NPHP4: variants seen among roughly 807,000 people sequenced by gnomAD.
NPHP4 encodes nephrocystin-4.
Under a neutral mutation model 155.8 loss-of-function variants are expected in NPHP4, and 151 were observed. That is an observed-to-expected ratio of 0.97 (90% CI 0.85 to 1.11). The LOEUF (loss-of-function observed/expected upper bound fraction) is 1.11. Among genes scored for constraint, NPHP4 ranks in the 50% least tolerant of loss-of-function variants. The pLI is 0.00. For missense variants in NPHP4, 1,956 were observed against 1,925.7 expected (o/e 1.02, Z -0.29); for synonymous variants, 845 against 816.8 (o/e 1.03, Z -0.59).
Position 5,901,852 on chromosome 1 carries a change from G to A in NPHP4, c.2143+2765C>T, listed in dbSNP as rs185786179. Among the ~76,000 whole-genome samples, 14 of 152,320 alleles carry A rather than the reference G, an allele frequency of 9.2e-5. No homozygotes were observed. The East Asian group carries it at 2.1e-3, about 23-fold the overall frequency. ...GCCTTCTGGGGACATCAGTTGGACT[G>A]TCTACCAAAGGCCTCAGGAGGACTG... On this transcript the variant is annotated intron_variant, in intron 16 of 29. Transcript: ENST00000378156.
intron 11 of NPHP4, among the ~76,000 whole-genome samples, chr1:5,915,628 G>A (rs1171427824): frequency 1.3e-5 from 2 of 152,106 alleles, no homozygotes; most frequent in Admixed American, 6.5e-5. Flanking sequence ...AGTCCAGATC[G>A]CAGGCAGCCC....
chr1:5,866,953 A>C, intron 25 of NPHP4, 77 bp downstream of exon 25: 1 of 1,078,668 alleles, frequency 9.3e-7, no homozygotes, highest in Non-Finnish European at 1.4e-6. Flanking sequence ...GGATCCCAGG[A>C]TACCCGTGGG....
chr1:5,952,354 G>A (rs1033362882), intron 7 of NPHP4, among the ~76,000 whole-genome samples: 1 of 152,196 alleles, frequency 6.6e-6, no homozygotes, highest in African/African-American at 2.4e-5. Flanking sequence ...TGATCTACCA[G>A]AATTAACTTT....
Position 5,937,924 on chromosome 1 carries a change from G to T in NPHP4, c.1120-4595C>A, listed in dbSNP as rs115888355. 3.4e-3 allele frequency among the ~76,000 whole-genome samples: 521 copies of T among 152,356 alleles called. 4 individuals are homozygous for T. The highest frequency in any genetic ancestry group is 0.012 in the African/African-American group (499 of 41,586). On this transcript the variant is annotated intron_variant, in intron 9 of 29. Transcript: ENST00000378156. ...GAAAGCAGCTCAGGCCCTGGGCTGG[G>T]AACACGCGCAGTCACACTCACGTGG...
rs1230242159 is a variant in NPHP4 at position 5,933,147 on chromosome 1, C to T, written c.1302G>A (p.Glu434=). Residue 434 remains glutamate, a splice_region_variant and synonymous_variant, in exon 10 of 30, where the codon GAG becomes GAA. Coordinates refer to ENST00000378156, the MANE Select transcript of NPHP4 (RefSeq NM_015102.5). ...KVPSASMSSE[E]VKQVESGTLR... is the part of the protein sequence containing the mutation. ...GCATAAGAAATACCTAATAATTTAC[C>T]TCTTCAGAGCTCATGCTGGCTGAGG... 1 of 1,534,638 alleles carries T rather than the reference C, an allele frequency of 6.5e-7. No homozygotes were observed.
chr1:5,879,420 C>T (rs540780755), intron 19 of NPHP4: 1 of 437,972 alleles, frequency 2.3e-6, no homozygotes, highest in Admixed American at 2.6e-5. Flanking sequence ...GTCTTCCTCT[C>T]CAAACCAGGT....
At chr1:5,891,416 C>T (rs115409553) in intron 16 of NPHP4, among the ~76,000 whole-genome samples, 103 of 152,158 alleles carry the variant, frequency 6.8e-4, no homozygotes, top group Non-Finnish European at 1.3e-3. Flanking sequence ...TTCACACACA[C>T]AGGCAGAGCT....
Position 5,952,847 on chromosome 1 carries a change from G to C in NPHP4, c.674-11C>G. 1 of 1,594,132 alleles carries C rather than the reference G, an allele frequency of 6.3e-7. No individual in the cohort carries two copies. The highest frequency in any genetic ancestry group is 8.5e-7 in the Non-Finnish European group (1 of 1,170,472). ...TTCGGAGAGCGTCGCCTGAAACAGT[G>C]AGGGTGCGAAAAGGGTCATCCTTGG... On this transcript the variant is annotated splice_polypyrimidine_tract_variant and intron_variant, in intron 6 of 29. Coordinates refer to ENST00000378156, the MANE Select transcript of NPHP4 (RefSeq NM_015102.5).
chr1:5,882,140 G>A lies in NPHP4; in HGVS notation c.2486-1901C>T, dbSNP rs111547343. On this transcript the variant is annotated intron_variant, in intron 18 of 29. Coordinates refer to ENST00000378156, the MANE Select transcript of NPHP4 (RefSeq NM_015102.5). The surrounding 1 kb of genome is among the most constrained non-coding windows in gnomAD (Gnocchi z 5.1). ...CTGGCTGCCTCCTCCCACGCCCTAG[G>A]TGGCAACCAGAAAGGCCAGTGGTGC... The A allele has an allele frequency of 9.5e-4, 144 of 152,368 alleles. No individual in the cohort carries two copies. Among genetic ancestry groups the A allele is most frequent in the African/African-American group, 3.4e-3 (141 of 41,516 alleles). 9.4% of individuals were successfully genotyped at this position (152,368 alleles called of 1,614,324 possible).
At chr1:5,899,671 G>A (rs937556316) in intron 16 of NPHP4, among the ~76,000 whole-genome samples, 2 of 152,102 alleles carry the variant, frequency 1.3e-5, no homozygotes, top group South Asian at 2.1e-4. Flanking sequence ...CCTAGGAGAC[G>A]ACACAGAACA....
chr1:5,922,966 C>T (rs539366626), intron 11 of NPHP4, among the ~76,000 whole-genome samples: 2 of 152,322 alleles, frequency 1.3e-5, no homozygotes, highest in Admixed American at 6.5e-5. Context: ...GCACGCACTC[C>T]AGCCAGAGCA....
intron 1 of NPHP4, among the ~76,000 whole-genome samples, chr1:5,986,825 G>C (rs1655560531): frequency 6.6e-6 from 1 of 152,158 alleles, no homozygotes; most frequent in Non-Finnish European, 1.5e-5. Context: ...ATGGGGACAT[G>C]AAGGGATGTT....
intron 11 of NPHP4, among the ~76,000 whole-genome samples, chr1:5,913,637 C>A (rs1645303626): frequency 3.3e-5 from 5 of 152,232 alleles, no homozygotes; most frequent in Admixed American, 2.6e-4. Flanking sequence ...CCAACGTCTT[C>A]ACACTGCCTC....
At chr1:5,956,261 T>C (rs2102051080) in intron 6 of NPHP4, among the ~76,000 whole-genome samples, 1 of 152,236 alleles carries the variant, frequency 6.6e-6, no homozygotes, top group African/African-American at 2.4e-5. Context: ...TGGCCCAGGC[T>C]GGGAAGGAAA....
intron 18 of NPHP4, among the ~76,000 whole-genome samples, chr1:5,885,507 A>C (rs531629528): frequency 1.3e-5 from 2 of 152,254 alleles, no homozygotes; most frequent in Non-Finnish European, 2.9e-5. Flanking sequence ...GCTGCCAAGG[A>C]AATCAGCTGT....
intron 23 of NPHP4, among the ~76,000 whole-genome samples, chr1:5,869,316 T>C (rs1641753818): frequency 7.2e-6 from 1 of 139,132 alleles, no homozygotes; most frequent in Non-Finnish European, 1.5e-5. Flanking sequence ...CAAACATGGA[T>C]GCACATACAC....
At position 5,866,012 on chromosome 1, in the gene NPHP4, G is replaced by A. The variant is rs529642996; in HGVS notation, c.3644+361C>T. 3.1e-4 allele frequency: 95 copies of A among 301,616 alleles called. 1 individual carries two copies. In the Admixed American group the frequency reaches 3.7e-3, roughly 12 times the overall value. 18.7% of individuals were successfully genotyped at this position (301,616 alleles called of 1,614,324 possible). On this transcript the variant is annotated intron_variant, in intron 26 of 29. Coordinates refer to ENST00000378156, the MANE Select transcript of NPHP4 (RefSeq NM_015102.5). ...ATTTCCACCACAGTCCTGCCTCTCC[G>A]CAGGAGGGACCACAGCTTCATTCAT...
intron 10 of NPHP4, among the ~76,000 whole-genome samples, chr1:5,932,820 A>T (rs541001656): frequency 0.015 from 2,313 of 152,316 alleles, 58 homozygotes; most frequent in African/African-American, 0.053. Context: ...ACCTACTGGT[A>T]AAGGCCACAT....
intron 1 of NPHP4, among the ~76,000 whole-genome samples, chr1:5,986,682 T>G (rs986299377): frequency 1.3e-5 from 2 of 152,174 alleles, no homozygotes; most frequent in Non-Finnish European, 2.9e-5. Flanking sequence ...CTTTGAACTA[T>G]GCGAATTACC....
Sources: gnomAD v4.1 joint callset for allele counts (sites outside exome capture counted in the v4.1 genomes callset) on GRCh38, gnomAD v4.1.1 for gene constraint, Gnocchi (gnomAD v3.1) non-coding constraint, MANE v1.5 for transcripts, NCBI Gene and HGNC (gene_info 2026-07-23, HGNC 2026-07-21) for gene names.